NIN: variants seen among roughly 807,000 people sequenced by gnomAD.
NIN encodes the protein ninein.
Under a neutral mutation model 257.6 loss-of-function variants are expected in NIN, and 137 were observed. That is an observed-to-expected ratio of 0.53 (90% CI 0.46 to 0.61). The LOEUF is 0.61. NIN is among the 20% of genes least tolerant of loss of function. NIN has a pLI of 0.00. For synonymous variants in NIN, 918 were observed against 919.8 expected, an observed-to-expected ratio of 1.00 and a Z score of 0.04; for missense variants, 2,439 against 2,501.2, an observed-to-expected ratio of 0.98 and a Z score of 0.53.
At chr14:50,807,065 T>C (rs1333879205) in intron 3 of NIN, among the ~76,000 whole-genome samples, 1 of 152,138 alleles carries the variant, frequency 6.6e-6, no homozygotes, top group African/African-American at 2.4e-5. Flanking sequence ...TATAGCAAAA[T>C]CCTCTTTATA....
At chr14:50,744,584 T>C (rs935873952) in intron 22 of NIN, among the ~76,000 whole-genome samples, 1 of 152,354 alleles carries the variant, frequency 6.6e-6, no homozygotes. Flanking sequence ...CTTAGGTAGA[T>C]TGAACCAGGC....
chr14:50,818,733 C>T (rs778964196), intron 3 of NIN, among the ~76,000 whole-genome samples: 1 of 152,140 alleles, frequency 6.6e-6, no homozygotes, highest in African/African-American at 2.4e-5. Flanking sequence ...ATTTCAAACA[C>T]CTGTACAGTA....
At chr14:50,774,891 A>G (rs1566834264) in intron 7 of NIN, among the ~76,000 whole-genome samples, 2 of 151,960 alleles carry the variant, frequency 1.3e-5, no homozygotes, top group African/African-American at 4.8e-5. Flanking sequence ...TAAATGGCCA[A>G]CTGGGGCACG....
intron 12 of NIN, among the ~76,000 whole-genome samples, chr14:50,768,546 C>T (rs1270182766): frequency 6.6e-6 from 1 of 151,378 alleles, no homozygotes; most frequent in African/African-American, 2.4e-5. Flanking sequence ...TTGGGGAAAG[C>T]AGTGAAGGGG....
intron 4 of NIN, among the ~76,000 whole-genome samples, chr14:50,803,409 C>T (rs1287425290): frequency 1.3e-5 from 2 of 152,150 alleles, no homozygotes; most frequent in Non-Finnish European, 2.9e-5. Context: ...ATGAACTAAG[C>T]ATAACCAGCC....
At chr14:50,774,771 G>A (rs3783281) in intron 7 of NIN, among the ~76,000 whole-genome samples, 46,250 of 152,038 alleles carry the variant, frequency 0.3, 8,048 homozygotes, top group East Asian at 0.5. Flanking sequence ...TAAAGACCTC[G>A]CACCTGGAAA....
At chr14:50,803,863 C>T (rs1182780365) in intron 4 of NIN, among the ~76,000 whole-genome samples, 4 of 151,558 alleles carry the variant, frequency 2.6e-5, no homozygotes, top group African/African-American at 9.7e-5. Context: ...ACCAGTCTGC[C>T]TGCAGCGGGG....
Position 50,731,766 on chromosome 14 carries a change from C to T in NIN, c.5878-2043G>A, listed in dbSNP as rs117404209. ...GCTCGAATCCGGGAGGCAGAGGTTG[C>T]AGTGAGCTGAAATCGCGCCACTGCA... On this transcript the variant is annotated intron_variant, in intron 28 of 30. Transcript: ENST00000530997. Among the ~76,000 whole-genome samples, 1,388 of 152,244 alleles carry T rather than the reference C, an allele frequency of 9.1e-3. 17 individuals are homozygous for T. Among genetic ancestry groups the T allele is most frequent in the Middle Eastern group, 0.024 (7 of 294 alleles).
At chr14:50,737,643 GTTGT>G (rs1159583037) in intron 27 of NIN, among the ~76,000 whole-genome samples, 24 of 120,150 alleles carry the variant, frequency 2.0e-4, no homozygotes, top group African/African-American at 7.8e-4. Flanking sequence ...GTTTTTTGTT[GTTGT>G]TTTTTTTTTT....
intron 2 of NIN, among the ~76,000 whole-genome samples, chr14:50,825,904 G>T (rs1485108024): frequency 1.3e-5 from 2 of 152,132 alleles, no homozygotes; most frequent in East Asian, 1.9e-4. Context: ...AGCCTACAAG[G>T]CACCAGGGAT....
chr14:50,732,069 G>A (rs2040737857), intron 28 of NIN, among the ~76,000 whole-genome samples: 1 of 152,226 alleles, frequency 6.6e-6, no homozygotes, highest in African/African-American at 2.4e-5. Flanking sequence ...AAGCTCCGAA[G>A]TAGGCGTCAA....
In NIN at chr14:50,720,962, A is replaced by G; in HGVS notation, c.*2501T>C. The G allele has an allele frequency of 5.2e-6, 1 of 192,520 alleles. No homozygotes were observed. The highest frequency in any genetic ancestry group is 1.1e-5 in the Non-Finnish European group (1 of 92,050). The allele number at this position is 192,520 out of a possible 1,614,324, so 11.9% of individuals were successfully genotyped here. On this transcript the variant is annotated 3_prime_UTR_variant, in exon 31 of 31. Coordinates refer to ENST00000530997, the MANE Select transcript of NIN (RefSeq NM_020921.4). ...AAATGCCTATAAAATATATAACTTA[A>G]TATTTTGAAGAATGCTATTGTAAAG...
intron 13 of NIN, 95 bp from the exon 14 acceptor site, chr14:50,766,491 CTT>C: frequency 1.9e-6 from 2 of 1,072,976 alleles, no homozygotes; most frequent in African/African-American, 1.5e-5. Context: ...CACCCAGTCT[CTT>C]GAGTATGATA....
intron 2 of NIN, among the ~76,000 whole-genome samples, chr14:50,827,253 G>A (rs1257315944): frequency 1.3e-5 from 2 of 152,146 alleles, no homozygotes; most frequent in Admixed American, 6.5e-5. Flanking sequence ...AGCCATTTAC[G>A]AGTTTATATA....
intron 3 of NIN, among the ~76,000 whole-genome samples, chr14:50,808,781 G>A (rs780203263): frequency 3.3e-5 from 5 of 152,178 alleles, no homozygotes; most frequent in South Asian, 2.1e-4. Flanking sequence ...TTATAATACC[G>A]CTTCCCTGTG....
intron 20 of NIN, 74 bp from the exon 21 acceptor site, chr14:50,752,807 A>G: frequency 1.2e-6 from 1 of 814,184 alleles, no homozygotes; most frequent in African/African-American, 1.8e-5. Context: ...ACAGATTTAG[A>G]GACATAATTG....
chr14:50,806,114 A>G (rs1012316596), intron 4 of NIN: 1 of 152,256 alleles, frequency 6.6e-6, no homozygotes, highest in Admixed American at 6.5e-5. Context: ...GATACATGAA[A>G]TAACAATGTG....
intron 4 of NIN, among the ~76,000 whole-genome samples, chr14:50,793,165 G>A (rs1401765052): frequency 6.6e-6 from 1 of 152,104 alleles, no homozygotes; most frequent in Non-Finnish European, 1.5e-5. Flanking sequence ...TTAAGGTCAG[G>A]AAAAGGTGAG....
chr14:50,771,474 A>C lies in NIN; in HGVS notation c.982-6T>G. 1 of 1,613,912 alleles carries C rather than the reference A, an allele frequency of 6.2e-7. No individual in the cohort carries two copies. On this transcript the variant is annotated splice_region_variant and splice_polypyrimidine_tract_variant and intron_variant, in intron 9 of 30. Transcript: ENST00000530997. ...TCGAGGCTGAAATCCAAGGCCTAGA[A>C]ATCAGAGCAAGGCGTAAATTCAAAA...
Sources: gnomAD v4.1 joint callset for allele counts (sites outside exome capture counted in the v4.1 genomes callset) on GRCh38, gnomAD v4.1.1 for gene constraint, MANE v1.5 for transcripts, NCBI Gene and HGNC (gene_info 2026-07-23, HGNC 2026-07-21) for gene names.